The following CRABP1 variants were observed in gnomAD, a reference collection of about 807,000 sequenced individuals.
The protein encoded by CRABP1 is cellular retinoic acid-binding protein 1.
CRABP1 carries 9 observed loss-of-function variants against 16.4 expected under a neutral mutation model. The ratio of observed to expected loss-of-function variants is 0.55; its 90% CI spans 0.33 to 0.96. The LOEUF is 0.96. CRABP1 is among the 40% of genes least tolerant of loss of function. The pLI, the probability that CRABP1 is intolerant of heterozygous loss-of-function variation, is 0.03. For synonymous variants in CRABP1, 72 were observed against 70.4 expected, an observed-to-expected ratio of 1.02 and a Z score of -0.11; for missense variants, 157 against 186.0, an observed-to-expected ratio of 0.84 and a Z score of 0.91.
chr15:78,344,565 T>A (rs770318906), intron 3 of CRABP1, among the ~76,000 whole-genome samples: 7 of 152,062 alleles, frequency 4.6e-5, no homozygotes, highest in Admixed American at 2.6e-4. Context: ...AGCACACACT[T>A]CCTCCCCTTT....
chr15:78,341,237 C>A lies in CRABP1; in HGVS notation c.249+16C>A. 1 of 1,601,072 alleles carries A rather than the reference C, an allele frequency of 6.2e-7. No individual in the cohort carries two copies. Among genetic ancestry groups the A allele is most frequent in the African/African-American group, 1.3e-5 (1 of 74,838 alleles). On this transcript the variant is annotated intron_variant, in intron 2 of 3. Transcript: ENST00000299529. This position sits in a 1 kb window ranked among gnomAD's most constrained non-coding sequence, Gnocchi z 5.3. ...CAAGTGCAGGGTGAGGCCCCAGAGC[C>A]ACTACAGCGTCCCCGTGTCCCCGCT... is the stretch of plus-strand genomic sequence containing the variant.
chr15:78,348,217 G>GC lies in CRABP1; in HGVS notation c.*240_*241insC. The GC allele has an allele frequency of 1.8e-6, 1 of 548,748 alleles. No individual in the cohort carries two copies. Among genetic ancestry groups the GC allele is most frequent in the Non-Finnish European group, 3.2e-6 (1 of 310,190 alleles). The allele number at this position is 548,748 out of a possible 1,614,324, so 34.0% of individuals were successfully genotyped here. ...TTCGAAGTCATTAAACTGGTTAGAC[G>GC]TGTCTCAACCTTTTCCCTTTTTTGG... is the stretch of plus-strand genomic sequence containing the variant. On this transcript the variant is annotated 3_prime_UTR_variant, in exon 4 of 4. Coordinates refer to ENST00000299529, the MANE Select transcript of CRABP1 (RefSeq NM_004378.3).
chr15:78,348,150 C>A lies in CRABP1; in HGVS notation c.*173C>A, dbSNP rs2050278017. Reference sequence around the variant, plus strand: ...ACCCCCACCCCCCAGGCCTTGGTGCCTCTTGTATCCCTAGTGCTCCATAGT... The same window carrying A: ...ACCCCCACCCCCCAGGCCTTGGTGCATCTTGTATCCCTAGTGCTCCATAGT... On this transcript the variant is annotated 3_prime_UTR_variant, in exon 4 of 4. Coordinates refer to ENST00000299529, the MANE Select transcript of CRABP1 (RefSeq NM_004378.3). 3 of 622,946 alleles carry A rather than the reference C, an allele frequency of 4.8e-6. No individual in the cohort carries two copies. In the South Asian group the frequency reaches 6.0e-5, roughly 13 times the overall value. 38.6% of individuals were successfully genotyped at this position (622,946 alleles called of 1,614,324 possible). A position where few individuals can be genotyped will look rare whatever the true frequency, so the allele number is the denominator to read the frequency against.
In CRABP1 at chr15:78,341,122, G is replaced by C; in HGVS notation, c.150G>C (p.Gln50His). The change falls in exon 2 of 4, where the codon CAG (glutamine) becomes CAC (histidine). Residue 50 changes from glutamine (Q) to histidine (H), a missense_variant. Transcript: ENST00000299529. The surrounding 1 kb of genome is among the most constrained non-coding windows in gnomAD (Gnocchi z 5.3). ...PHVEIRQDGD[Q>H]FYIKTSTTVR... ...TGGAGATCCGCCAGGACGGGGATCA[G>C]TTCTACATCAAGACATCCACCACGG... 1.2e-6 allele frequency: 2 copies of C among 1,613,146 alleles called. No homozygotes were observed. Among genetic ancestry groups the C allele is most frequent in the South Asian group, 1.1e-5 (1 of 90,894 alleles).
Position 78,340,417 on chromosome 15 carries a change from G to A in CRABP1, c.-12G>A, listed in dbSNP as rs767341454. On this transcript the variant is annotated 5_prime_UTR_variant, in exon 1 of 4. Transcript: ENST00000299529. ...GCCGCTGTCCGTACCTGCCGCCGCCGCCACCGCCACCATGCCCAACTTCGC... is the reference window on the plus strand; with the variant it reads ...GCCGCTGTCCGTACCTGCCGCCGCCACCACCGCCACCATGCCCAACTTCGC... 5.7e-6 allele frequency: 9 copies of A among 1,585,824 alleles called. No individual in the cohort carries two copies. Among genetic ancestry groups the A allele is most frequent in the South Asian group, 2.3e-5 (2 of 86,936 alleles).
chr15:78,340,763 A>T (rs1349987639), intron 1 of CRABP1: 3 of 600,338 alleles, frequency 5.0e-6, no homozygotes, highest in Non-Finnish European at 8.8e-6. Context: ...GCTAGATCAT[A>T]GCGAGGAGAG....
chr15:78,342,918 C>A (rs149266872), intron 2 of CRABP1, among the ~76,000 whole-genome samples: 1 of 152,116 alleles, frequency 6.6e-6, no homozygotes, highest in East Asian at 1.9e-4. Context: ...GTCAGGAGTT[C>A]GAGACCAGCC....
chr15:78,343,606 T>C lies in CRABP1; in HGVS notation c.357T>C (p.Leu119=). The part of the protein sequence containing the change: ...YWTRELANDE[L]ILTFGADDVV... ...CCCGTGAGCTGGCCAACGATGAACT[T>C]ATCCTGGTAGGGAACCCTTGACCCT... Residue 119 remains leucine (L), a synonymous_variant, in exon 3 of 4, where the codon CTT becomes CTC. Coordinates refer to ENST00000299529, the MANE Select transcript of CRABP1 (RefSeq NM_004378.3). 6.2e-7 allele frequency: 1 copy of C among 1,613,984 alleles called. No individual in the cohort carries two copies. The highest frequency in any genetic ancestry group is 8.5e-7 in the Non-Finnish European group (1 of 1,179,880).
At chr15:78,345,657 A>G (rs1197588593) in intron 3 of CRABP1, among the ~76,000 whole-genome samples, 2 of 152,078 alleles carry the variant, frequency 1.3e-5, no homozygotes, top group Non-Finnish European at 2.9e-5. Flanking sequence ...ATCACTTTCA[A>G]ATCCTCCCTC....
chr15:78,346,134 AAT>A (rs1257488034), intron 3 of CRABP1, among the ~76,000 whole-genome samples: 4 of 152,188 alleles, frequency 2.6e-5, no homozygotes, highest in Non-Finnish European at 4.4e-5. Flanking sequence ...TACAGCGTTC[AAT>A]ACCCAAATGC....
intron 2 of CRABP1, among the ~76,000 whole-genome samples, chr15:78,343,218 T>A (rs141709152): frequency 0.01 from 1,525 of 152,308 alleles, 14 homozygotes; most frequent in African/African-American, 0.026. Context: ...TTCCTAGAGA[T>A]GTAAAGCATG....
chr15:78,344,894 C>T (rs1297869226), intron 3 of CRABP1, among the ~76,000 whole-genome samples: 1 of 150,404 alleles, frequency 6.6e-6, no homozygotes, highest in African/African-American at 2.5e-5. Context: ...CTAGCCTGGG[C>T]AACAGAGCTG....
chr15:78,343,120 A>G (rs1484526570), intron 2 of CRABP1, among the ~76,000 whole-genome samples: 1 of 152,202 alleles, frequency 6.6e-6, no homozygotes, highest in Non-Finnish European at 1.5e-5. Flanking sequence ...ATCTCAAAAA[A>G]AAAATGAATA....
rs565639979 is a variant in CRABP1, at chr15:78,343,187, C to A, written c.250-312C>A. 3.3e-5 allele frequency among the ~76,000 whole-genome samples: 5 copies of A among 152,296 alleles called. No homozygotes were observed. The East Asian group carries it at 9.6e-4, about 29-fold the overall frequency. The stretch of plus-strand genomic sequence containing the variant: ...TTAGCTAATTTTTATATAAATGAAT[C>A]ATTTCATGCTCTAAATTTTATTCCT... On this transcript the variant is annotated intron_variant, in intron 2 of 3. Coordinates refer to ENST00000299529, the MANE Select transcript of CRABP1 (RefSeq NM_004378.3).
At position 78,341,256 on chromosome 15, in the gene CRABP1, C is replaced by A. The variant is rs751382637; in HGVS notation, c.249+35C>A. On this transcript the variant is annotated intron_variant, in intron 2 of 3. Transcript: ENST00000299529. The surrounding 1 kb of genome is among the most constrained non-coding windows in gnomAD (Gnocchi z 5.3). ...CAGAGCCACTACAGCGTCCCCGTGT[C>A]CCCGCTCGGTGCCCATGGCCCACTG... 1 of 1,581,074 alleles carries A rather than the reference C, an allele frequency of 6.3e-7. No individual in the cohort carries two copies. The highest frequency in any genetic ancestry group is 8.6e-7 in the Non-Finnish European group (1 of 1,163,414).
Position 78,341,098 on chromosome 15 carries a change from G to A in CRABP1, c.126G>A (p.Val42=). 3.1e-6 allele frequency: 5 copies of A among 1,612,784 alleles called. No individual in the cohort carries two copies. The highest frequency in any genetic ancestry group is 3.4e-6 in the Non-Finnish European group (4 of 1,179,876). Residue 42 remains valine, a synonymous_variant, in exon 2 of 4, where the codon GTG becomes GTA. Transcript: ENST00000299529. This position sits in a 1 kb window ranked among gnomAD's most constrained non-coding sequence, Gnocchi z 5.3. ...TAGCGGCTGCGTCCAAGCCGCACGTGGAGATCCGCCAGGACGGGGATCAGT... is the reference window on the plus strand; with the variant it reads ...TAGCGGCTGCGTCCAAGCCGCACGTAGAGATCCGCCAGGACGGGGATCAGT... The part of the protein sequence containing the change: ...VAVAAASKPH[V]EIRQDGDQFY...
chr15:78,340,560 G>A, intron 1 of CRABP1, 62 bp downstream of exon 1: 2 of 1,562,902 alleles, frequency 1.3e-6, no homozygotes, highest in South Asian at 2.3e-5. Context: ...CCCTGGTCCC[G>A]GAAGTGCCCC....
At position 78,341,289 on chromosome 15, in the gene CRABP1, A is replaced by C. The variant is rs1471256529; in HGVS notation, c.249+68A>C. The stretch of plus-strand genomic sequence containing the variant: ...GGTGCCCATGGCCCACTGCTGCTGG[A>C]GGAACCTGTGTCTCCCTTTGCAGCC... On this transcript the variant is annotated intron_variant, in intron 2 of 3. Coordinates refer to ENST00000299529, the MANE Select transcript of CRABP1 (RefSeq NM_004378.3). The surrounding 1 kb of genome is among the most constrained non-coding windows in gnomAD (Gnocchi z 5.3). The C allele has an allele frequency of 2.6e-6, 4 of 1,539,568 alleles. No homozygotes were observed. Among genetic ancestry groups the C allele is most frequent in the Non-Finnish European group, 3.5e-6 (4 of 1,131,688 alleles).
chr15:78,347,007 T>G (rs2141529068), intron 3 of CRABP1, among the ~76,000 whole-genome samples: 1 of 148,750 alleles, frequency 6.7e-6, no homozygotes, highest in African/African-American at 2.5e-5. Context: ...TTTTTTTTTT[T>G]AACATACATA....
Sources: allele counts gnomAD v4.1 joint callset (sites outside exome capture counted in the v4.1 genomes callset), GRCh38; gene constraint gnomAD v4.1.1; non-coding constraint Gnocchi (gnomAD v3.1); transcripts MANE v1.5; gene names NCBI Gene and HGNC (gene_info 2026-07-23, HGNC 2026-07-21).